The following PLGRKT variants were observed in gnomAD, a reference collection of about 807,000 sequenced individuals.
The protein encoded by PLGRKT is plasminogen receptor (KT).
Under a neutral mutation model 18.5 loss-of-function variants are expected in PLGRKT, and 22 were observed. The observed-to-expected ratio is 1.19, with a 90% CI of 0.85 to 1.70. The LOEUF (loss-of-function observed/expected upper bound fraction) is 1.70, where lower values mean the gene tolerates loss of function less well. Ranked by LOEUF, PLGRKT falls within the 40% of genes most tolerant of loss-of-function variation. PLGRKT has a pLI of 0.00. For synonymous variants in PLGRKT, 72 were observed against 52.8 expected (o/e 1.36, Z -1.58); for missense variants, 235 against 174.4 (o/e 1.35, Z -1.96).
intron 2 of PLGRKT, among the ~76,000 whole-genome samples, chr9:5,434,896 A>C (rs1818929502): frequency 6.6e-6 from 1 of 152,046 alleles, no homozygotes. Flanking sequence ...ATGTGGGGAA[A>C]AGAAAGAGAG....
At chr9:5,383,277 T>C (rs1453703209) in intron 3 of PLGRKT, among the ~76,000 whole-genome samples, 2 of 152,202 alleles carry the variant, frequency 1.3e-5, no homozygotes, top group Non-Finnish European at 2.9e-5. Context: ...TTCAGACTTC[T>C]GGCCTCCAGA....
At chr9:5,372,849 C>G (rs1257672292) in intron 3 of PLGRKT, among the ~76,000 whole-genome samples, 3 of 152,108 alleles carry the variant, frequency 2.0e-5, no homozygotes, top group African/African-American at 7.2e-5. Context: ...GAATGGAATC[C>G]AACTAGTATT....
intron 3 of PLGRKT, among the ~76,000 whole-genome samples, chr9:5,392,899 T>G (rs749236272): frequency 2.0e-5 from 3 of 151,822 alleles, no homozygotes; most frequent in Admixed American, 6.6e-5. Flanking sequence ...TGGAGTGCAG[T>G]GGTGCAGTCT....
chr9:5,379,842 G>C (rs1243652777), intron 3 of PLGRKT, among the ~76,000 whole-genome samples: 1 of 152,138 alleles, frequency 6.6e-6, no homozygotes, highest in Admixed American at 6.5e-5. Flanking sequence ...AGGACAATTT[G>C]ACAGTATCTG....
At chr9:5,363,859 T>C (rs958394681) in intron 3 of PLGRKT, among the ~76,000 whole-genome samples, 2 of 152,212 alleles carry the variant, frequency 1.3e-5, no homozygotes, top group African/African-American at 4.8e-5. Context: ...AAATTAAATT[T>C]GCTGTCACCA....
At chr9:5,365,890 A>C (rs976404) in intron 3 of PLGRKT, among the ~76,000 whole-genome samples, 77,247 of 151,904 alleles carry the variant, frequency 0.51, 19,944 homozygotes, top group African/African-American at 0.6. Context: ...TACTGTTAAG[A>C]ATAAAGGCAA....
intron 3 of PLGRKT, among the ~76,000 whole-genome samples, chr9:5,366,378 A>G (rs1328587461): frequency 3.1e-4 from 47 of 152,214 alleles, no homozygotes; most frequent in Non-Finnish European, 5.9e-5. Flanking sequence ...GTATTTTAAA[A>G]GAAATGTAGA....
intron 2 of PLGRKT, among the ~76,000 whole-genome samples, chr9:5,434,674 C>T (rs1277452754): frequency 6.7e-6 from 1 of 150,240 alleles, no homozygotes; most frequent in African/African-American, 2.5e-5. Context: ...GCCCGGCCGC[C>T]ACCCCGTCTG....
chr9:5,380,402 T>C (rs1817719803), intron 3 of PLGRKT, among the ~76,000 whole-genome samples: 1 of 150,210 alleles, frequency 6.7e-6, no homozygotes, highest in Non-Finnish European at 1.5e-5. Flanking sequence ...ATAAAAATAA[T>C]AGCTAATATT....
At chr9:5,405,228 G>T (rs1403810207) in intron 3 of PLGRKT, among the ~76,000 whole-genome samples, 3 of 152,146 alleles carry the variant, frequency 2.0e-5, no homozygotes, top group African/African-American at 7.2e-5. Flanking sequence ...AATTACCATT[G>T]ACATTCTTCA....
chr9:5,377,530 G>A (rs2131087089), intron 3 of PLGRKT, among the ~76,000 whole-genome samples: 1 of 152,244 alleles, frequency 6.6e-6, no homozygotes, highest in Middle Eastern at 3.4e-3. Flanking sequence ...CCATAATGGT[G>A]CTGGAAAGCA....
intron 3 of PLGRKT, among the ~76,000 whole-genome samples, chr9:5,405,106 C>T (rs1195439523): frequency 1.3e-5 from 2 of 152,072 alleles, no homozygotes; most frequent in African/African-American, 2.4e-5. Flanking sequence ...GAACTACAAA[C>T]CTCTGCTCAA....
At chr9:5,359,399 T>C (rs1006670372) in intron 5 of PLGRKT, among the ~76,000 whole-genome samples, 3 of 152,154 alleles carry the variant, frequency 2.0e-5, no homozygotes, top group South Asian at 2.1e-4. Context: ...GAACAGACCA[T>C]AGTTTTCAAA....
At chr9:5,372,514 C>T (rs10441732) in intron 3 of PLGRKT, among the ~76,000 whole-genome samples, 102,982 of 151,468 alleles carry the variant, frequency 0.68, 35,266 homozygotes, top group African/African-American at 0.76. Context: ...TAAGTTTGCA[C>T]TCTACATTAT....
chr9:5,370,325 T>C (rs1358924676), intron 3 of PLGRKT, among the ~76,000 whole-genome samples: 7 of 152,208 alleles, frequency 4.6e-5, no homozygotes, highest in Admixed American at 6.5e-5. Flanking sequence ...CACAGACTAT[T>C]TAATACAATT....
chr9:5,399,270 A>G (rs1300255782), intron 3 of PLGRKT, among the ~76,000 whole-genome samples: 2 of 151,950 alleles, frequency 1.3e-5, no homozygotes, highest in Non-Finnish European at 2.9e-5. Flanking sequence ...TTTAATTCAT[A>G]GACCAGCCAA....
At chr9:5,406,790 C>T (rs1818266419) in intron 3 of PLGRKT, among the ~76,000 whole-genome samples, 1 of 152,176 alleles carries the variant, frequency 6.6e-6, no homozygotes, top group Non-Finnish European at 1.5e-5. Context: ...CTACGACACA[C>T]TACTCAGGTT....
At chr9:5,436,262 C>T (rs538961235) in intron 2 of PLGRKT, among the ~76,000 whole-genome samples, 10 of 152,384 alleles carry the variant, frequency 6.6e-5, no homozygotes, top group African/African-American at 2.2e-4. Context: ...ATGGTGTCTA[C>T]TTCCCCTAAA....
At chr9:5,426,593 C>T (rs868509604) in intron 3 of PLGRKT, among the ~76,000 whole-genome samples, 1 of 152,168 alleles carries the variant, frequency 6.6e-6, no homozygotes, top group Admixed American at 6.5e-5. Context: ...TAAAGTGTAT[C>T]TTGATCAACA....
Sources: allele counts gnomAD v4.1 joint callset (sites outside exome capture counted in the v4.1 genomes callset), GRCh38; gene constraint gnomAD v4.1.1; transcripts MANE v1.5; gene names NCBI Gene and HGNC (gene_info 2026-07-23, HGNC 2026-07-21).